The following CACNA2D3 variants were observed in gnomAD, a reference collection of about 807,000 sequenced individuals.
CACNA2D3 encodes calcium voltage-gated channel auxiliary subunit alpha2delta 3.
Under a neutral mutation model 160.6 loss-of-function variants are expected in CACNA2D3, and 60 were observed. That is an observed-to-expected ratio of 0.37 (90% CI 0.30 to 0.46). The LOEUF (loss-of-function observed/expected upper bound fraction) is 0.46. CACNA2D3 is among the 20% of genes least tolerant of loss of function. CACNA2D3 has a pLI of 1.00. For missense variants in CACNA2D3, 1,205 were observed against 1,365.0 expected, an observed-to-expected ratio of 0.88 and a Z score of 1.85; for synonymous variants, 558 against 492.9, an observed-to-expected ratio of 1.13 and a Z score of -1.75.
intron 37 of CACNA2D3, 87 bp from the exon 38 acceptor site, chr3:55,074,027 C>A: frequency 8.2e-7 from 1 of 1,222,042 alleles, no homozygotes; most frequent in Non-Finnish European, 1.2e-6. Flanking sequence ...TTCGTTCTTA[C>A]GTTAGAGAGG....
chr3:54,654,702 G>A (rs768516405), intron 11 of CACNA2D3, among the ~76,000 whole-genome samples: 40 of 152,224 alleles, frequency 2.6e-4, no homozygotes, highest in Non-Finnish European at 4.9e-4. Context: ...GTGGGGATGC[G>A]AATCAGACTT....
At chr3:54,642,323 C>A in intron 11 of CACNA2D3, 82 bp downstream of exon 11, 1 of 737,532 alleles carries the variant, frequency 1.4e-6, no homozygotes, top group Non-Finnish European at 2.2e-6. Context: ...TGAGTAAGTG[C>A]CTCATGTAGA....
Position 54,501,266 on chromosome 3 carries a change from A to T in CACNA2D3, c.382-2226A>T, listed in dbSNP as rs938743305. Among the ~76,000 whole-genome samples, 10 of 152,318 alleles carry T rather than the reference A, an allele frequency of 6.6e-5. 1 individual carries two copies. The South Asian group carries it at 1.2e-3, about 19-fold the overall frequency. On this transcript the variant is annotated intron_variant, in intron 4 of 37. Transcript: ENST00000474759. Reference sequence around the variant, plus strand: ...TCCACATTCCTCCCTCCGGTTTCTTATAACACTGCTATTATTCATTTCACT... The same window carrying T: ...TCCACATTCCTCCCTCCGGTTTCTTTTAACACTGCTATTATTCATTTCACT...
rs1308675320 is a variant in CACNA2D3 at position 54,918,874 on chromosome 3, A to G, written c.2449+19006A>G. The G allele has an allele frequency of 1.9e-6, 3 of 1,548,938 alleles. No individual in the cohort carries two copies. The highest frequency in any genetic ancestry group is 2.6e-6 in the Non-Finnish European group (3 of 1,146,548). On this transcript the variant is annotated intron_variant, in intron 27 of 37. Transcript: ENST00000474759. ...CCAGGTGTCTGGTGATTCACAGATG[A>G]TGCCGTCTGTTAGTCCCCCTTTAAA...
Position 54,249,709 on chromosome 3 carries a change from A to G in CACNA2D3, c.205-70733A>G, listed in dbSNP as rs976874911. On this transcript the variant is annotated intron_variant, in intron 2 of 37. Coordinates refer to ENST00000474759, the MANE Select transcript of CACNA2D3 (RefSeq NM_018398.3). ...CACACACACACACACCCCTCATCCTATTGGTTCTGGTTCAACCGTAATACA... is the reference window on the plus strand; with the variant it reads ...CACACACACACACACCCCTCATCCTGTTGGTTCTGGTTCAACCGTAATACA... 7.5e-5 allele frequency among the ~76,000 whole-genome samples: 11 copies of G among 146,714 alleles called. No homozygotes were observed. In the East Asian group the frequency reaches 7.8e-4, roughly 10 times the overall value.
At chr3:54,269,782 G>T (rs1379168295) in intron 2 of CACNA2D3, among the ~76,000 whole-genome samples, 1 of 152,202 alleles carries the variant, frequency 6.6e-6, no homozygotes, top group Non-Finnish European at 1.5e-5. Context: ...TCATGGAACA[G>T]TGTTAGGGAT....
At chr3:54,533,537 G>T (rs1701838159) in intron 5 of CACNA2D3, among the ~76,000 whole-genome samples, 2 of 151,964 alleles carry the variant, frequency 1.3e-5, no homozygotes, top group South Asian at 4.2e-4. Flanking sequence ...GTTTTGCCAT[G>T]TTTGCCAGGC....
intron 5 of CACNA2D3, among the ~76,000 whole-genome samples, chr3:54,505,672 T>A (rs1450021360): frequency 1.3e-5 from 2 of 152,162 alleles, no homozygotes; most frequent in East Asian, 3.9e-4. Flanking sequence ...GATGAAAAAT[T>A]AACATGATTT....
intron 34 of CACNA2D3, among the ~76,000 whole-genome samples, chr3:55,017,675 A>G (rs776439103): frequency 6.6e-5 from 10 of 152,212 alleles, no homozygotes; most frequent in Non-Finnish European, 1.3e-4. Flanking sequence ...TACCAGGGTT[A>G]TTTAGTGCTT....
intron 33 of CACNA2D3, among the ~76,000 whole-genome samples, chr3:55,009,141 C>T (rs1039629561): frequency 5.3e-5 from 8 of 152,164 alleles, no homozygotes; most frequent in African/African-American, 1.4e-4. Flanking sequence ...TCAGCCTATA[C>T]AGCAGGTTAT....
chr3:54,617,335 C>A (rs1390754110), intron 9 of CACNA2D3, among the ~76,000 whole-genome samples: 3 of 152,162 alleles, frequency 2.0e-5, no homozygotes, highest in African/African-American at 7.2e-5. Flanking sequence ...TACATGAAAT[C>A]CCTCTGTCCT....
chr3:54,249,348 T>C (rs1241546690), intron 2 of CACNA2D3, among the ~76,000 whole-genome samples: 3 of 152,148 alleles, frequency 2.0e-5, no homozygotes, highest in Non-Finnish European at 2.9e-5. Flanking sequence ...CCCTCTATAA[T>C]GTGGGTGGGC....
At chr3:54,434,883 T>C (rs1406769559) in intron 4 of CACNA2D3, among the ~76,000 whole-genome samples, 3 of 152,174 alleles carry the variant, frequency 2.0e-5, no homozygotes, top group African/African-American at 7.2e-5. Context: ...TAGGCGGCCT[T>C]ATCTTTAGGG....
intron 2 of CACNA2D3, among the ~76,000 whole-genome samples, chr3:54,231,364 TG>T: frequency 6.6e-6 from 1 of 152,324 alleles, no homozygotes; most frequent in East Asian, 1.9e-4. Context: ...ACCTGCAAGA[TG>T]GGGCAGTGTT....
intron 2 of CACNA2D3, among the ~76,000 whole-genome samples, chr3:54,153,225 C>T (rs964289584): frequency 9.2e-5 from 14 of 152,146 alleles, no homozygotes; most frequent in African/African-American, 3.1e-4. Context: ...CAGTGCTCTC[C>T]TGGGGAAAGG....
chr3:54,580,018 T>C (rs894405099), intron 8 of CACNA2D3, among the ~76,000 whole-genome samples: 4 of 152,040 alleles, frequency 2.6e-5, no homozygotes, highest in Non-Finnish European at 5.9e-5. Context: ...AGAGGATAAG[T>C]TGGGGGCATT....
At chr3:54,897,250 C>G (rs893367801) in intron 26 of CACNA2D3, among the ~76,000 whole-genome samples, 22 of 152,222 alleles carry the variant, frequency 1.4e-4, no homozygotes, top group Middle Eastern at 3.4e-3. Flanking sequence ...TCCACTGTTC[C>G]CCATTTGAAC....
At chr3:54,813,545 G>GT (rs1703379911) in intron 13 of CACNA2D3, among the ~76,000 whole-genome samples, 1 of 152,162 alleles carries the variant, frequency 6.6e-6, no homozygotes, top group Admixed American at 6.5e-5. Flanking sequence ...TAACATGGTG[G>GT]TGGGGGGTGT....
chr3:54,286,877 T>A (rs1024666274), intron 2 of CACNA2D3, among the ~76,000 whole-genome samples: 2 of 152,076 alleles, frequency 1.3e-5, no homozygotes, highest in African/African-American at 4.8e-5. Context: ...AAGCAAATGC[T>A]GAGAGATTCT....
Sources: gnomAD v4.1 joint callset for allele counts (sites outside exome capture counted in the v4.1 genomes callset) on GRCh38, gnomAD v4.1.1 for gene constraint, MANE v1.5 for transcripts, NCBI Gene and HGNC (gene_info 2026-07-23, HGNC 2026-07-21) for gene names.